SNTG1: variants seen among roughly 807,000 people sequenced by gnomAD.
The protein encoded by SNTG1 is gamma-1-syntrophin.
SNTG1 carries 39 observed loss-of-function variants against 74.7 expected under a neutral mutation model. The ratio of observed to expected loss-of-function variants is 0.52; its 90% CI spans 0.40 to 0.68. The LOEUF is 0.68. SNTG1 is among the 30% of genes least tolerant of loss of function. The pLI, the probability that SNTG1 is intolerant of heterozygous loss-of-function variation, is 0.00. For synonymous variants in SNTG1, 254 were observed against 217.1 expected (o/e 1.17, Z -1.49); for missense variants, 685 against 609.5 (o/e 1.12, Z -1.30).
intron 2 of SNTG1, among the ~76,000 whole-genome samples, chr8:50,283,085 G>A (rs1024661786): frequency 1.3e-5 from 2 of 152,052 alleles, no homozygotes; most frequent in Non-Finnish European, 2.9e-5. Flanking sequence ...AAAAAGAAAG[G>A]GAAAAATGTT....
In SNTG1 at chr8:50,766,444, T is replaced by G. The variant is rs189981064; in HGVS notation, c.1395+14333T>G. 1.9e-3 allele frequency among the ~76,000 whole-genome samples: 294 copies of G among 152,164 alleles called. 2 individuals are homozygous for G. The highest frequency in any genetic ancestry group is 3.0e-3 in the Non-Finnish European group (203 of 67,986). Reference sequence around the variant, plus strand: ...AGGCTATCATTTTCACTTAATTTTATATAGCTTAATAGCTATTTGCGTGTA... The same window carrying G: ...AGGCTATCATTTTCACTTAATTTTAGATAGCTTAATAGCTATTTGCGTGTA... On this transcript the variant is annotated intron_variant, in intron 18 of 18. Coordinates refer to ENST00000642720, the MANE Select transcript of SNTG1 (RefSeq NM_018967.5).
chr8:50,577,409 G>A (rs2094582849), intron 12 of SNTG1, among the ~76,000 whole-genome samples: 1 of 150,084 alleles, frequency 6.7e-6, no homozygotes, highest in Non-Finnish European at 1.5e-5. Flanking sequence ...ATTTTGTTGA[G>A]GATATTTTCA....
chr8:50,767,779 TTA>T (rs749830997), intron 18 of SNTG1, among the ~76,000 whole-genome samples: 114 of 152,112 alleles, frequency 7.5e-4, no homozygotes, highest in Non-Finnish European at 1.1e-3. Flanking sequence ...GCCTCTAATA[TTA>T]TATGTTTATG....
intron 2 of SNTG1, among the ~76,000 whole-genome samples, chr8:50,357,638 T>A (rs1327007648): frequency 3.3e-5 from 5 of 152,230 alleles, no homozygotes; most frequent in Non-Finnish European, 7.3e-5. Context: ...AGGTTTAATG[T>A]TGTCAGCTTT....
At chr8:49,959,939 G>A (rs1291897407) in intron 1 of SNTG1, among the ~76,000 whole-genome samples, 1 of 152,136 alleles carries the variant, frequency 6.6e-6, no homozygotes, top group Admixed American at 6.5e-5. Flanking sequence ...ATGCTTTTGA[G>A]ATTTAAAAAA....
rs1032413478 is a variant in SNTG1 at position 50,510,215 on chromosome 8, A to G, written c.466+7335A>G. Among the ~76,000 whole-genome samples the G allele has an allele frequency of 3.9e-5, 6 of 152,150 alleles. No homozygotes were observed. The East Asian group carries it at 5.8e-4, about 15-fold the overall frequency. Reference sequence around the variant, plus strand: ...TGGTTCTGTTTATATGCTGGATTACATTCATTGATTTGCATATGTTGAGCC... The same window carrying G: ...TGGTTCTGTTTATATGCTGGATTACGTTCATTGATTTGCATATGTTGAGCC... On this transcript the variant is annotated intron_variant, in intron 9 of 18. Transcript: ENST00000642720.
chr8:50,054,846 T>C (rs774192629), intron 1 of SNTG1, among the ~76,000 whole-genome samples: 13 of 152,056 alleles, frequency 8.5e-5, no homozygotes, highest in Non-Finnish European at 1.3e-4. Context: ...TAATTTCTTA[T>C]TGTTATTTAT....
chr8:50,668,255 C>G (rs1251849582), intron 15 of SNTG1, among the ~76,000 whole-genome samples: 2 of 151,750 alleles, frequency 1.3e-5, no homozygotes, highest in African/African-American at 4.8e-5. Context: ...CCCATAAATT[C>G]CCCATCTGTT....
chr8:50,741,375 C>G (rs2095542966), intron 17 of SNTG1, among the ~76,000 whole-genome samples: 1 of 151,968 alleles, frequency 6.6e-6, no homozygotes, highest in Non-Finnish European at 1.5e-5. Context: ...TTCCCGCATC[C>G]ACTTCCCAAG....
At chr8:50,502,105 T>C (rs1383367654) in intron 8 of SNTG1, among the ~76,000 whole-genome samples, 1 of 152,196 alleles carries the variant, frequency 6.6e-6, no homozygotes, top group African/African-American at 2.4e-5. Flanking sequence ...TTCTGTATTT[T>C]AAAAAATGTT....
intron 12 of SNTG1, among the ~76,000 whole-genome samples, chr8:50,554,073 G>A (rs185883146): frequency 2.0e-5 from 3 of 152,222 alleles, no homozygotes. Context: ...TTATGTAAAT[G>A]ACCCTTCAGA....
At chr8:50,386,507 C>T (rs2092576969) in intron 2 of SNTG1, among the ~76,000 whole-genome samples, 1 of 151,984 alleles carries the variant, frequency 6.6e-6, no homozygotes, top group South Asian at 2.1e-4. Flanking sequence ...GGCCCGACTT[C>T]CTTTCTTTAT....
intron 5 of SNTG1, among the ~76,000 whole-genome samples, chr8:50,447,950 C>G (rs1471578): frequency 0.83 from 126,727 of 152,154 alleles, 53,251 homozygotes; most frequent in Non-Finnish European, 0.89. Context: ...GCTGTGTTAG[C>G]ATAATAGCCT....
intron 13 of SNTG1, among the ~76,000 whole-genome samples, chr8:50,640,571 T>C (rs1362843505): frequency 6.6e-6 from 1 of 152,154 alleles, no homozygotes; most frequent in Non-Finnish European, 1.5e-5. Flanking sequence ...AATTCCACCA[T>C]CCACGATCTC....
At chr8:50,352,669 G>T (rs918236620) in intron 2 of SNTG1, among the ~76,000 whole-genome samples, 5 of 152,156 alleles carry the variant, frequency 3.3e-5, no homozygotes, top group Admixed American at 2.0e-4. Context: ...AGGATTACAG[G>T]TGTATACCAG....
At chr8:50,671,725 C>T (rs2095283890) in intron 15 of SNTG1, among the ~76,000 whole-genome samples, 1 of 151,790 alleles carries the variant, frequency 6.6e-6, no homozygotes, top group East Asian at 1.9e-4. Context: ...AATCATGCTG[C>T]TATAAAGACA....
At chr8:50,329,027 T>C (rs903204840) in intron 2 of SNTG1, among the ~76,000 whole-genome samples, 1 of 152,158 alleles carries the variant, frequency 6.6e-6, no homozygotes, top group Non-Finnish European at 1.5e-5. Context: ...ATAAGTCCCA[T>C]GTGAGTCTGA....
chr8:50,345,173 A>G (rs1424433543), intron 2 of SNTG1, among the ~76,000 whole-genome samples: 1 of 152,222 alleles, frequency 6.6e-6, no homozygotes, highest in Admixed American at 6.5e-5. Context: ...ATTTGAATCA[A>G]AGAGATAAGT....
At chr8:50,467,137 G>T (rs917951394) in intron 8 of SNTG1, among the ~76,000 whole-genome samples, 1 of 151,544 alleles carries the variant, frequency 6.6e-6, no homozygotes, top group Admixed American at 6.6e-5. Flanking sequence ...TTTTTGTAAC[G>T]CTTTTAAAAA....
Sources: allele counts gnomAD v4.1 joint callset (sites outside exome capture counted in the v4.1 genomes callset), GRCh38; gene constraint gnomAD v4.1.1; transcripts MANE v1.5; gene names NCBI Gene and HGNC (gene_info 2026-07-23, HGNC 2026-07-21).